PHF21A: variants seen among roughly 807,000 people sequenced by gnomAD.
The protein encoded by PHF21A is BHC80a.
In PHF21A, 11 loss-of-function variants were observed where a neutral mutation model predicts 82.5. That is an observed-to-expected ratio of 0.13 (90% CI 0.08 to 0.22). The LOEUF is 0.22. PHF21A is among the 10% of genes least tolerant of loss of function. The pLI, the probability that PHF21A is intolerant of heterozygous loss-of-function variation, is 1.00. For synonymous variants in PHF21A, 297 were observed against 302.8 expected, an observed-to-expected ratio of 0.98 and a Z score of 0.20; for missense variants, 579 against 837.8, an observed-to-expected ratio of 0.69 and a Z score of 3.81.
At position 45,960,685 on chromosome 11, in the gene PHF21A, G is replaced by A. The variant is rs1228500149; in HGVS notation, c.996+4630C>T. Reference sequence around the variant, plus strand: ...TATTTTAAAATGATTAATTTTATGTGATTTCACCTCAATTAAAAAAAAATT... The same window carrying A: ...TATTTTAAAATGATTAATTTTATGTAATTTCACCTCAATTAAAAAAAAATT... On this transcript the variant is annotated intron_variant, in intron 10 of 18. Transcript: ENST00000676320. 2.0e-5 allele frequency among the ~76,000 whole-genome samples: 3 copies of A among 152,234 alleles called. No individual in the cohort carries two copies. In the East Asian group the frequency reaches 5.8e-4, roughly 29 times the overall value.
At chr11:46,054,954 C>T (rs2096429970) in intron 6 of PHF21A, among the ~76,000 whole-genome samples, 1 of 152,124 alleles carries the variant, frequency 6.6e-6, no homozygotes, top group Non-Finnish European at 1.5e-5. Context: ...GATAAGCATA[C>T]CTAAGCATTT....
intron 6 of PHF21A, among the ~76,000 whole-genome samples, chr11:46,010,456 C>CA (rs1432230298): frequency 1.3e-5 from 2 of 152,166 alleles, no homozygotes; most frequent in African/African-American, 4.8e-5. Context: ...AGTTAAGTGG[C>CA]AAAGCCAGAA....
chr11:46,035,084 A>T (rs2095966374), intron 6 of PHF21A, among the ~76,000 whole-genome samples: 1 of 152,076 alleles, frequency 6.6e-6, no homozygotes, highest in South Asian at 2.1e-4. Context: ...AATACTGTTC[A>T]CCTATTCCCT....
intron 6 of PHF21A, among the ~76,000 whole-genome samples, chr11:46,028,209 G>C (rs1250103719): frequency 6.6e-6 from 1 of 152,118 alleles, no homozygotes; most frequent in Non-Finnish European, 1.5e-5. Flanking sequence ...AAAGAGTTTG[G>C]TGTCAGGATG....
At chr11:46,001,052 C>G (rs1163162990) in intron 6 of PHF21A, among the ~76,000 whole-genome samples, 1 of 152,008 alleles carries the variant, frequency 6.6e-6, no homozygotes, top group Non-Finnish European at 1.5e-5. Flanking sequence ...ACACTCTAAA[C>G]TCTAAGTAAT....
At chr11:45,962,848 G>A (rs945711483) in intron 10 of PHF21A, among the ~76,000 whole-genome samples, 8 of 151,696 alleles carry the variant, frequency 5.3e-5, no homozygotes, top group South Asian at 4.2e-4. Flanking sequence ...AGCCGGGATC[G>A]TGCCACTGCA....
chr11:46,011,475 G>C (rs901358566), intron 6 of PHF21A, among the ~76,000 whole-genome samples: 4 of 151,838 alleles, frequency 2.6e-5, no homozygotes, highest in Non-Finnish European at 5.9e-5. Flanking sequence ...CTGAGCGACA[G>C]TGCAAGATTC....
intron 6 of PHF21A, among the ~76,000 whole-genome samples, chr11:46,058,990 T>C (rs2096496457): frequency 6.6e-6 from 1 of 152,158 alleles, no homozygotes; most frequent in African/African-American, 2.4e-5. Flanking sequence ...TTCCAGCCCC[T>C]AAAACTGCCC....
chr11:46,035,674 G>C (rs2095984550), intron 6 of PHF21A, among the ~76,000 whole-genome samples: 1 of 152,174 alleles, frequency 6.6e-6, no homozygotes, highest in African/African-American at 2.4e-5. Context: ...GGAAGAAGTA[G>C]TTTTACACTG....
chr11:45,993,838 C>T (rs2094805310), intron 6 of PHF21A, among the ~76,000 whole-genome samples: 1 of 151,732 alleles, frequency 6.6e-6, no homozygotes, highest in African/African-American at 2.4e-5. Context: ...AGATGAGGCT[C>T]GGGCAGCTGG....
intron 6 of PHF21A, among the ~76,000 whole-genome samples, chr11:46,018,017 G>A (rs941856823): frequency 2.0e-5 from 3 of 152,186 alleles, no homozygotes; most frequent in East Asian, 1.9e-4. Flanking sequence ...TTGGGAGGCC[G>A]AGGCGGGCGG....
intron 6 of PHF21A, among the ~76,000 whole-genome samples, chr11:46,027,922 C>T (rs983522701): frequency 6.6e-6 from 1 of 152,108 alleles, no homozygotes; most frequent in African/African-American, 2.4e-5. Context: ...CATGACATAG[C>T]CTATCTCATG....
intron 14 of PHF21A, among the ~76,000 whole-genome samples, chr11:45,946,263 T>C (rs1296132339): frequency 6.6e-6 from 1 of 152,174 alleles, no homozygotes; most frequent in East Asian, 1.9e-4. Context: ...CTGGCTTATG[T>C]AGAAAGACCT....
At chr11:46,062,544 G>A (rs576726423) in intron 6 of PHF21A, among the ~76,000 whole-genome samples, 13 of 151,730 alleles carry the variant, frequency 8.6e-5, no homozygotes, top group African/African-American at 2.7e-4. Flanking sequence ...CTTCTTTTAC[G>A]GATCTAGGGA....
chr11:46,059,753 G>C (rs1202761162), intron 6 of PHF21A, among the ~76,000 whole-genome samples: 1 of 152,108 alleles, frequency 6.6e-6, no homozygotes. Flanking sequence ...TTGAGACAGA[G>C]TCTCACTCTG....
intron 17 of PHF21A, among the ~76,000 whole-genome samples, 195 bp downstream of exon 17, chr11:45,936,299 T>A (rs2089023771): frequency 6.6e-6 from 1 of 152,164 alleles, no homozygotes; most frequent in Admixed American, 6.5e-5. Context: ...TGAATAATAA[T>A]AATAATAAAT....
At position 46,040,931 on chromosome 11, in the gene PHF21A, A is replaced by ACG. The variant is rs747279054; in HGVS notation, c.153+35822_153+35823insCG. ...CACACACACACACACACACACACACACACGCACGCACAATTAAGGTTCTTG... is the reference window on the plus strand; with the variant it reads ...CACACACACACACACACACACACACACGCACGCACGCACAATTAAGGTTCTTG... On this transcript the variant is annotated intron_variant, in intron 6 of 18. Transcript: ENST00000676320. 7.1e-3 allele frequency among the ~76,000 whole-genome samples: 806 copies of ACG among 113,672 alleles called. 2 individuals carry two copies. Among genetic ancestry groups the ACG allele is most frequent in the Non-Finnish European group, 0.011 (596 of 55,136 alleles). 74.6% of individuals were successfully genotyped at this position (113,672 alleles called of 152,430 possible).
intron 6 of PHF21A, among the ~76,000 whole-genome samples, chr11:46,028,818 C>T (rs895843666): frequency 1.3e-5 from 2 of 151,910 alleles, no homozygotes; most frequent in Non-Finnish European, 2.9e-5. Context: ...ATCGTCCACT[C>T]GCCTCGGCCT....
intron 6 of PHF21A, among the ~76,000 whole-genome samples, chr11:46,011,068 A>C (rs1468620571): frequency 6.6e-6 from 1 of 152,182 alleles, no homozygotes; most frequent in Non-Finnish European, 1.5e-5. Flanking sequence ...CTTTATCACA[A>C]AACTTCTTAA....
Sources: gnomAD v4.1 joint callset for allele counts (sites outside exome capture counted in the v4.1 genomes callset) on GRCh38, gnomAD v4.1.1 for gene constraint, MANE v1.5 for transcripts, NCBI Gene and HGNC (gene_info 2026-07-23, HGNC 2026-07-21) for gene names.